Variants in MOXD1 observed in about 807,000 individuals in gnomAD.
The protein encoded by MOXD1 is monooxygenase DBH like 1.
MOXD1 carries 62 observed loss-of-function variants against 66.6 expected under a neutral mutation model. The ratio of observed to expected loss-of-function variants is 0.93; its 90% confidence interval spans 0.76 to 1.15. The LOEUF (loss-of-function observed/expected upper bound fraction) is 1.15. Ranked by LOEUF, MOXD1 falls within the 50% of genes most tolerant of loss-of-function variation. The pLI is 0.00. For missense variants in MOXD1, 847 were observed against 754.6 expected, an observed-to-expected ratio of 1.12 and a Z score of -1.44; for synonymous variants, 303 against 281.9, an observed-to-expected ratio of 1.07 and a Z score of -0.75.
chr6:132,369,627 A>T lies in MOXD1; in HGVS notation c.663+2981T>A, dbSNP rs941848550. Among the ~76,000 whole-genome samples, 4 of 152,074 alleles carry T rather than the reference A, an allele frequency of 2.6e-5. 1 individual carries two copies. The highest frequency in any genetic ancestry group is 9.7e-5 in the African/African-American group (4 of 41,430). ...AAAATAAGGGTGACTTCAACACAAG[A>T]ACTCTGATACCATGACAATCTGATA... On this transcript the variant is annotated intron_variant, in intron 4 of 11. Transcript: ENST00000367963.
At chr6:132,399,701 T>C (rs1409872351) in intron 1 of MOXD1, among the ~76,000 whole-genome samples, 1 of 152,246 alleles carries the variant, frequency 6.6e-6, no homozygotes, top group Non-Finnish European at 1.5e-5. Flanking sequence ...TAGTAAGAGT[T>C]ATGCTCCCTT....
At chr6:132,354,766 C>T (rs1775878264) in intron 4 of MOXD1, among the ~76,000 whole-genome samples, 1 of 152,052 alleles carries the variant, frequency 6.6e-6, no homozygotes, top group African/African-American at 2.4e-5. Flanking sequence ...TAGGGAAGGC[C>T]CATCAGGTGG....
chr6:132,376,358 T>G (rs1356403407), intron 1 of MOXD1, among the ~76,000 whole-genome samples: 1 of 152,210 alleles, frequency 6.6e-6, no homozygotes, highest in Non-Finnish European at 1.5e-5. Context: ...TCCAAGCATC[T>G]TTGTATGGTA....
chr6:132,386,777 C>T (rs1450615053), intron 1 of MOXD1, among the ~76,000 whole-genome samples: 1 of 151,456 alleles, frequency 6.6e-6, no homozygotes. Flanking sequence ...CTCATGATCT[C>T]ACAATCTTAC....
chr6:132,355,207 G>A (rs1775888406), intron 4 of MOXD1, among the ~76,000 whole-genome samples: 1 of 152,040 alleles, frequency 6.6e-6, no homozygotes, highest in Non-Finnish European at 1.5e-5. Context: ...GTTCAGCTGG[G>A]GACTTCCTTC....
intron 1 of MOXD1, among the ~76,000 whole-genome samples, chr6:132,378,688 G>C (rs1776444199): frequency 6.6e-6 from 1 of 151,924 alleles, no homozygotes. Context: ...ACAAAAACCA[G>C]CCAAAGTCAT....
At chr6:132,384,259 TTCCTTC>T (rs1776574089) in intron 1 of MOXD1, among the ~76,000 whole-genome samples, 1 of 109,102 alleles carries the variant, frequency 9.2e-6, no homozygotes, top group Admixed American at 9.5e-5. Flanking sequence ...CCTTCCTTCC[TTCCTTC>T]CTTCCTTCCT....
chr6:132,299,511 C>A (rs1774483186), intron 10 of MOXD1, among the ~76,000 whole-genome samples: 1 of 152,124 alleles, frequency 6.6e-6, no homozygotes. Context: ...CTCCAAAAAT[C>A]ACATGCCAAA....
At chr6:132,316,729 A>C (rs1774967670) in intron 9 of MOXD1, among the ~76,000 whole-genome samples, 1 of 152,160 alleles carries the variant, frequency 6.6e-6, no homozygotes, top group African/African-American at 2.4e-5. Flanking sequence ...ACTAAAGAAA[A>C]GTGAAAATAC....
intron 4 of MOXD1, among the ~76,000 whole-genome samples, chr6:132,348,791 T>C (rs991696695): frequency 5.9e-5 from 9 of 152,136 alleles, no homozygotes; most frequent in Admixed American, 3.3e-4. Context: ...CAAAAGAGCA[T>C]ATAAATCAAG....
At chr6:132,317,336 G>T (rs747214408) in intron 9 of MOXD1, among the ~76,000 whole-genome samples, 2 of 152,098 alleles carry the variant, frequency 1.3e-5, no homozygotes, top group Admixed American at 6.6e-5. Context: ...TTAGGCAAAG[G>T]AAGATGCTGA....
At position 132,401,380 on chromosome 6, in the gene MOXD1, G is replaced by A. The variant is rs759480027; in HGVS notation, c.47C>T (p.Thr16Met). 3.9e-6 allele frequency: 6 copies of A among 1,539,596 alleles called. No individual in the cohort carries two copies. Among genetic ancestry groups the A allele is most frequent in the Non-Finnish European group, 5.2e-6 (6 of 1,148,884 alleles). ...LLLLWGLLPG[T>M]AAGGSGRTYP... ...GGTTCGGCCCGAGCCCCCCGCCGCC[G>A]TCCCGGGGAGCAGCCCCCACAGCAG... is the stretch of plus-strand genomic sequence containing the variant. Residue 16 changes from threonine (T) to methionine (M), a missense_variant, in exon 1 of 12, where the codon ACG becomes ATG. Coordinates refer to ENST00000367963, the MANE Select transcript of MOXD1 (RefSeq NM_015529.4).
intron 4 of MOXD1, among the ~76,000 whole-genome samples, chr6:132,332,769 T>C (rs538622286): frequency 6.6e-6 from 1 of 152,340 alleles, no homozygotes; most frequent in South Asian, 2.1e-4. Context: ...CGTTATTTTC[T>C]GCTCCCACAA....
rs869205496 is a variant in MOXD1 at position 132,340,638 on chromosome 6, A to ATTTTT, written c.664-12049_664-12045dup. 2.8e-3 allele frequency among the ~76,000 whole-genome samples: 277 copies of ATTTTT among 98,758 alleles called. 41 individuals are homozygous for ATTTTT. In the East Asian group the frequency reaches 0.049, roughly 17 times the overall value. The allele number at this position is 98,758 out of a possible 152,430, so 64.8% of individuals were successfully genotyped here. ...ACAACATGCTAAAACAACAAGACTC[A>ATTTTT]TTTTTTTTTTTTTTTTTTTTTTTTT... On this transcript the variant is annotated intron_variant, in intron 4 of 11. Transcript: ENST00000367963.
intron 10 of MOXD1, among the ~76,000 whole-genome samples, chr6:132,305,549 C>T (rs1774669898): frequency 6.6e-6 from 1 of 152,226 alleles, no homozygotes; most frequent in Non-Finnish European, 1.5e-5. Context: ...TTCCCTATGC[C>T]AGCCAAATGG....
chr6:132,324,207 GTTTA>G, intron 6 of MOXD1, 110 bp from the exon 7 acceptor site: 1 of 1,114,602 alleles, frequency 9.0e-7, no homozygotes. Context: ...GTTGAAATAG[GTTTA>G]TTTATTTTCC....
intron 4 of MOXD1, among the ~76,000 whole-genome samples, chr6:132,336,886 GA>G (rs1775452223): frequency 6.6e-6 from 1 of 152,144 alleles, no homozygotes; most frequent in Non-Finnish European, 1.5e-5. Flanking sequence ...TAAGTTCAGG[GA>G]AGGGTGCCCA....
At chr6:132,301,258 G>A (rs1774530811) in intron 10 of MOXD1, among the ~76,000 whole-genome samples, 1 of 150,456 alleles carries the variant, frequency 6.6e-6, no homozygotes, top group South Asian at 2.1e-4. Flanking sequence ...TTATTATTAT[G>A]CTTTAATATT....
Position 132,301,358 on chromosome 6 carries a change from A to G in MOXD1, c.1509-3403T>C, listed in dbSNP as rs538672388. Among the ~76,000 whole-genome samples the G allele has an allele frequency of 8.5e-5, 13 of 152,194 alleles. No homozygotes were observed. The East Asian group carries it at 2.5e-3, about 29-fold the overall frequency. ...AAAGTTGACTGCAATACACCATGGT[A>G]GAGTAATTTTTTAAATTTTTAAGTG... On this transcript the variant is annotated intron_variant, in intron 10 of 11. Coordinates refer to ENST00000367963, the MANE Select transcript of MOXD1 (RefSeq NM_015529.4).
Sources: allele counts gnomAD v4.1 joint callset (sites outside exome capture counted in the v4.1 genomes callset), GRCh38; gene constraint gnomAD v4.1.1; transcripts MANE v1.5; gene names NCBI Gene and HGNC (gene_info 2026-07-23, HGNC 2026-07-21).